Variants in MGRN1 observed in about 807,000 individuals in gnomAD.
The protein encoded by MGRN1 is mahogunin ring finger 1.
MGRN1 carries 29 observed loss-of-function variants against 69.2 expected under a neutral mutation model. The ratio of observed to expected loss-of-function variants is 0.42; its 90% CI spans 0.31 to 0.57. The LOEUF is 0.57. MGRN1 is among the 20% of genes least tolerant of loss of function. MGRN1 has a pLI of 0.15. For synonymous variants in MGRN1, 470 were observed against 344.2 expected (o/e 1.37, Z -4.04); for missense variants, 998 against 796.2 (o/e 1.25, Z -3.05).
intron 1 of MGRN1, among the ~76,000 whole-genome samples, chr16:4,636,106 C>A (rs1898276361): frequency 6.6e-6 from 1 of 151,998 alleles, no homozygotes; most frequent in Non-Finnish European, 1.5e-5. Flanking sequence ...CTGGCCAAGG[C>A]TAGCATACAT....
intron 1 of MGRN1, among the ~76,000 whole-genome samples, chr16:4,643,163 C>G (rs2078199742): frequency 6.6e-6 from 1 of 152,016 alleles, no homozygotes; most frequent in Non-Finnish European, 1.5e-5. Flanking sequence ...GCCATGTTGG[C>G]CAGGCTGGTC....
intron 1 of MGRN1, chr16:4,649,366 TCA>T (rs2078350843): frequency 6.6e-6 from 1 of 152,192 alleles, no homozygotes; most frequent in African/African-American, 2.4e-5. Context: ...TCTCTCACCA[TCA>T]CAGAGGCACA....
intron 4 of MGRN1, among the ~76,000 whole-genome samples, chr16:4,653,383 G>C (rs1334299140): frequency 6.6e-6 from 1 of 152,228 alleles, no homozygotes; most frequent in Non-Finnish European, 1.5e-5. Flanking sequence ...TTTTCTGGAG[G>C]CTTCATCACG....
intron 1 of MGRN1, among the ~76,000 whole-genome samples, chr16:4,639,516 C>T (rs548069059): frequency 1.3e-5 from 2 of 152,284 alleles, no homozygotes; most frequent in South Asian, 2.1e-4. Flanking sequence ...CAGGAGGAAG[C>T]CTGGGCTACC....
intron 1 of MGRN1, among the ~76,000 whole-genome samples, chr16:4,642,274 G>A (rs2078176660): frequency 6.6e-6 from 1 of 151,906 alleles, no homozygotes; most frequent in African/African-American, 2.4e-5. Flanking sequence ...GGGATTACAG[G>A]CATGAGCTAA....
At chr16:4,647,990 C>T (rs2078309763) in intron 1 of MGRN1, among the ~76,000 whole-genome samples, 1 of 152,018 alleles carries the variant, frequency 6.6e-6, no homozygotes, top group Admixed American at 6.6e-5. Flanking sequence ...GTAACTGGGG[C>T]CGTGGTTCTC....
intron 4 of MGRN1, among the ~76,000 whole-genome samples, chr16:4,656,922 TAAATAAAC>T (rs1262740420): frequency 1.9e-5 from 2 of 104,316 alleles, no homozygotes; most frequent in Admixed American, 9.6e-5. Flanking sequence ...AATAAATAAA[TAAATAAAC>T]AAACCAACTT....
At chr16:4,668,739 C>T (rs1404998785) in intron 8 of MGRN1, among the ~76,000 whole-genome samples, 1 of 148,228 alleles carries the variant, frequency 6.7e-6, no homozygotes, top group African/African-American at 2.5e-5. Context: ...TAGACACATA[C>T]TGATACACAC....
At chr16:4,661,120 AC>A (rs1158192275) in intron 5 of MGRN1, among the ~76,000 whole-genome samples, 2 of 150,060 alleles carry the variant, frequency 1.3e-5, no homozygotes, top group East Asian at 3.9e-4. Context: ...AGCTGGGACT[AC>A]AGGTGCCACA....
chr16:4,662,443 G>T (rs955980787), intron 5 of MGRN1, among the ~76,000 whole-genome samples: 42 of 151,976 alleles, frequency 2.8e-4, no homozygotes, highest in African/African-American at 3.6e-4. Context: ...TTGAACCCAG[G>T]GGGTGGAGGT....
Position 4,681,593 on chromosome 16 carries a change from T to C in MGRN1, c.1175T>C (p.Leu392Pro). The change falls in exon 13 of 17, where the codon CTC becomes CCC. Residue 392 changes from leucine (L) to proline (P), a missense_variant. By Grantham distance (98) the Leu-to-Pro change is moderately conservative. Coordinates refer to ENST00000262370, the MANE Select transcript of MGRN1 (RefSeq NM_015246.4). ...CCTGGCTACGAGCCCATCTCGCTGC[T>C]CGAGGCGCTCAACGGCCTCCGGGCT... ...VPPGYEPISL[L>P]EALNGLRAVS... The C allele has an allele frequency of 4.3e-6, 7 of 1,613,518 alleles. No individual in the cohort carries two copies. Among genetic ancestry groups the C allele is most frequent in the Non-Finnish European group, 5.9e-6 (7 of 1,179,984 alleles).
intron 1 of MGRN1, among the ~76,000 whole-genome samples, chr16:4,633,249 C>T (rs951155057): frequency 5.9e-5 from 9 of 151,588 alleles, no homozygotes; most frequent in Non-Finnish European, 1.2e-4. Flanking sequence ...ATTAGCTGGA[C>T]GTGGTGGTGG....
chr16:4,641,785 CT>C (rs2078165505), intron 1 of MGRN1, among the ~76,000 whole-genome samples: 1 of 152,098 alleles, frequency 6.6e-6, no homozygotes, highest in Non-Finnish European at 1.5e-5. Flanking sequence ...TCCCAAAGTG[CT>C]GGGATTACAG....
In MGRN1 at chr16:4,677,535, C is replaced by T; in HGVS notation, c.1028C>T (p.Pro343Leu). Residue 343 changes from proline (P) to leucine (L), a missense_variant, in exon 11 of 17, where the codon CCC becomes CTC. Transcript: ENST00000262370. ...PGALSPVSFS[P>L]VLAQSLEHDE... ...GCCCTGTCCCCCGTGTCCTTCAGCC[C>T]CGTCCTGGCCCAGAGCCTGGAGCAT... The T allele has an allele frequency of 6.3e-7, 1 of 1,599,790 alleles. No individual in the cohort carries two copies. Among genetic ancestry groups the T allele is most frequent in the Non-Finnish European group, 8.5e-7 (1 of 1,179,298 alleles).
intron 10 of MGRN1, among the ~76,000 whole-genome samples, chr16:4,674,901 A>G (rs1268196593): frequency 1.3e-5 from 2 of 151,062 alleles, no homozygotes; most frequent in Non-Finnish European, 2.9e-5. Flanking sequence ...CGGCCTCCCA[A>G]AGTGCTGGGA....
chr16:4,687,300 G>T, intron 16 of MGRN1: 1 of 984,812 alleles, frequency 1.0e-6, no homozygotes, highest in Non-Finnish European at 1.2e-6. Context: ...CTATAAGCCC[G>T]GTACTTTGGG....
intron 8 of MGRN1, among the ~76,000 whole-genome samples, 158 bp downstream of exon 8, chr16:4,668,470 GACAC>G (rs202139209): frequency 1.3e-5 from 2 of 150,652 alleles, no homozygotes; most frequent in African/African-American, 4.9e-5. Context: ...CATATATACG[GACAC>G]ACATACATAC....
intron 5 of MGRN1, 149 bp downstream of exon 5, chr16:4,657,512 AC>A: frequency 5.1e-6 from 4 of 781,550 alleles, no homozygotes; most frequent in Non-Finnish European, 8.4e-6. Flanking sequence ...GCTCAGGTGG[AC>A]GTGTGGATGG....
At chr16:4,669,692 C>T (rs1278911309) in intron 8 of MGRN1, among the ~76,000 whole-genome samples, 1 of 152,126 alleles carries the variant, frequency 6.6e-6, no homozygotes, top group Non-Finnish European at 1.5e-5. Flanking sequence ...TCTCCTCTTC[C>T]TTACAAATTG....
Sources: allele counts gnomAD v4.1 joint callset (sites outside exome capture counted in the v4.1 genomes callset), GRCh38; gene constraint gnomAD v4.1.1; transcripts MANE v1.5; gene names NCBI Gene and HGNC (gene_info 2026-07-23, HGNC 2026-07-21).